The following CCDC30 variants were observed in gnomAD, a reference collection of about 807,000 sequenced individuals.
The protein encoded by CCDC30 is coiled-coil domain-containing protein 30.
Under a neutral mutation model 100.2 loss-of-function variants are expected in CCDC30, and 70 were observed. The observed-to-expected ratio is 0.70, with a 90% CI of 0.58 to 0.85. The LOEUF is 0.85. Among genes scored for constraint, CCDC30 ranks in the 40% least tolerant of loss-of-function variants. The pLI is 0.00. For synonymous variants in CCDC30, 233 were observed against 269.5 expected (o/e 0.86, Z 1.33); for missense variants, 652 against 771.2 (o/e 0.85, Z 1.83).
chr1:42,470,464 A>C (rs1643732763), intron 1 of CCDC30, among the ~76,000 whole-genome samples: 1 of 152,230 alleles, frequency 6.6e-6, no homozygotes, highest in South Asian at 2.1e-4. Context: ...ACTCCTACGT[A>C]TATACCCCAA....
At chr1:42,623,319 T>C (rs1646875258) in intron 11 of CCDC30, among the ~76,000 whole-genome samples, 1 of 152,194 alleles carries the variant, frequency 6.6e-6, no homozygotes, top group African/African-American at 2.4e-5. Flanking sequence ...CAGACCAATA[T>C]CCTGGAGAAT....
intron 2 of CCDC30, among the ~76,000 whole-genome samples, chr1:42,481,280 T>C (rs1445524089): frequency 6.6e-6 from 1 of 151,804 alleles, no homozygotes; most frequent in African/African-American, 2.4e-5. Context: ...CTTTTAAAAA[T>C]CACCATGGGA....
At chr1:42,458,193 G>A in the CCDC30 span, among the ~76,000 whole-genome samples, 2 of 152,180 alleles carry the variant, frequency 1.3e-5, no homozygotes, top group Non-Finnish European at 2.9e-5. Flanking sequence ...GGACACATAA[G>A]TAGGAGAATG....
At chr1:42,587,566 T>TA (rs1168617989) in intron 9 of CCDC30, among the ~76,000 whole-genome samples, 2 of 152,198 alleles carry the variant, frequency 1.3e-5, no homozygotes, top group African/African-American at 4.8e-5. Flanking sequence ...AGTCTGCACT[T>TA]ACATCCAAGA....
At chr1:42,597,150 A>G (rs1323634243) in intron 10 of CCDC30, among the ~76,000 whole-genome samples, 8 of 152,202 alleles carry the variant, frequency 5.3e-5, no homozygotes, top group Non-Finnish European at 1.5e-5. Flanking sequence ...AATATCTAAG[A>G]TCTGTGGGAT....
At chr1:42,598,706 G>A (rs1249776479) in intron 10 of CCDC30, among the ~76,000 whole-genome samples, 1 of 151,980 alleles carries the variant, frequency 6.6e-6, no homozygotes, top group Non-Finnish European at 1.5e-5. Context: ...GAATGTCAAA[G>A]TTGGTCATGC....
At chr1:42,589,812 A>G (rs1012947887) in intron 10 of CCDC30, 5 of 192,498 alleles carry the variant, frequency 2.6e-5, no homozygotes, top group African/African-American at 1.2e-4. Context: ...AGCTCCTACA[A>G]ATGTCTCATC....
chr1:42,619,440 A>G (rs544659494), intron 11 of CCDC30, among the ~76,000 whole-genome samples: 1 of 152,322 alleles, frequency 6.6e-6, no homozygotes, highest in East Asian at 1.9e-4. Flanking sequence ...GAGAAATAGT[A>G]TGCAAATCTA....
At chr1:42,644,944 C>G in intron 14 of CCDC30, 137 bp downstream of exon 18, 1 of 621,240 alleles carries the variant, frequency 1.6e-6, no homozygotes, top group Non-Finnish European at 2.9e-6. Flanking sequence ...GGCAAAGAGG[C>G]TCTTGGCTGC....
intron 3 of CCDC30, among the ~76,000 whole-genome samples, chr1:42,488,581 T>C (rs1005292472): frequency 2.0e-5 from 3 of 152,118 alleles, no homozygotes; most frequent in African/African-American, 7.2e-5. Flanking sequence ...AAGTGTTGTA[T>C]AGGTGTGAGC....
chr1:42,514,685 G>A (rs189427566), intron 6 of CCDC30, among the ~76,000 whole-genome samples: 96 of 152,220 alleles, frequency 6.3e-4, no homozygotes, highest in African/African-American at 2.2e-3. Flanking sequence ...ATGGAGTCAT[G>A]CTCTGTCGCC....
intron 6 of CCDC30, among the ~76,000 whole-genome samples, chr1:42,528,596 G>C (rs971886444): frequency 6.6e-6 from 1 of 152,160 alleles, no homozygotes; most frequent in Non-Finnish European, 1.5e-5. Flanking sequence ...GAAAGTCTCT[G>C]CCAGCCCAAC....
At chr1:42,499,792 T>A (rs868783706) in intron 6 of CCDC30, among the ~76,000 whole-genome samples, 1 of 151,830 alleles carries the variant, frequency 6.6e-6, no homozygotes, top group Admixed American at 6.6e-5. Flanking sequence ...TTTTTTTTTT[T>A]AAGTTTTTAA....
chr1:42,522,494 CA>C (rs1379096519), intron 6 of CCDC30, among the ~76,000 whole-genome samples: 1 of 152,056 alleles, frequency 6.6e-6, no homozygotes, highest in Non-Finnish European at 1.5e-5. Flanking sequence ...TTCTCATTTC[CA>C]TTTGTGTATA....
At chr1:42,654,036 G>T (rs371057265) in exon 17 of CCDC30, 420 of 1,603,922 alleles carry the variant, frequency 2.6e-4, no homozygotes, top group Non-Finnish European at 3.5e-4. Context: ...TAAAATCACT[G>T]GTGCCTAAAG....
intron 6 of CCDC30, 36 bp downstream of exon 9, chr1:42,545,615 C>G (rs761700988): frequency 1.3e-6 from 2 of 1,538,700 alleles, no homozygotes; most frequent in Admixed American, 4.0e-5. Context: ...ATTAATTATT[C>G]AGAGAGGGTA....
At chr1:42,488,296 T>C (rs1225270685) in intron 3 of CCDC30, among the ~76,000 whole-genome samples, 1 of 152,142 alleles carries the variant, frequency 6.6e-6, no homozygotes, top group African/African-American at 2.4e-5. Flanking sequence ...AGGAGGACTG[T>C]TGGAAAGCTA....
Position 42,589,468 on chromosome 1 carries a change from A to T in CCDC30, c.1149A>T (p.Lys383Asn), listed in dbSNP as rs772972106. The T allele has an allele frequency of 9.9e-6, 16 of 1,613,566 alleles. No homozygotes were observed. Among genetic ancestry groups the T allele is most frequent in the Non-Finnish European group, 7.6e-6 (9 of 1,179,800 alleles). Residue 383 changes from lysine to asparagine, a missense_variant, in exon 10 of 17, where the codon AAA (lysine) becomes AAT (asparagine). Lys to Asn is a moderately conservative substitution (Grantham distance 94). Transcript: ENST00000668663. Reference sequence around the variant, plus strand: ...TACTTAAACAACTGGAAAATGAAAAAAGAAAATATGATGAGGTAAGAAAGT... The same window carrying T: ...TACTTAAACAACTGGAAAATGAAAATAGAAAATATGATGAGGTAAGAAAGT...
At chr1:42,464,370 A>C (rs138998508) in intron 1 of CCDC30, among the ~76,000 whole-genome samples, 28 of 152,358 alleles carry the variant, frequency 1.8e-4, no homozygotes, top group African/African-American at 5.8e-4. Context: ...ATCAATGTGA[A>C]AAGGGCATTC....
Sources: gnomAD v4.1 joint callset for allele counts (sites outside exome capture counted in the v4.1 genomes callset) on GRCh38, gnomAD v4.1.1 for gene constraint, MANE v1.5 for transcripts, NCBI Gene and HGNC (gene_info 2026-07-23, HGNC 2026-07-21) for gene names.